ZNF831: variants seen among roughly 807,000 people sequenced by gnomAD.
ZNF831 encodes the protein chromosome 20 open reading frame 174.
In ZNF831, 59 loss-of-function variants were observed where a neutral mutation model predicts 95.8. The observed-to-expected ratio is 0.62, with a 90% CI of 0.50 to 0.77. ZNF831 has a LOEUF of 0.77. ZNF831 is among the 30% of genes least tolerant of loss of function. ZNF831 has a pLI of 0.00. For missense variants in ZNF831, 2,205 were observed against 2,164.0 expected (o/e 1.02, Z -0.38); for synonymous variants, 961 against 925.5 (o/e 1.04, Z -0.70).
At chr20:59,247,058 A>G (rs914888268) in intron 4 of ZNF831, among the ~76,000 whole-genome samples, 2 of 152,234 alleles carry the variant, frequency 1.3e-5, no homozygotes, top group African/African-American at 4.8e-5. Flanking sequence ...ATGTAATAGG[A>G]TTGCAGAAAC....
At chr20:59,242,716 C>T (rs962501843) in intron 4 of ZNF831, among the ~76,000 whole-genome samples, 4 of 152,012 alleles carry the variant, frequency 2.6e-5, no homozygotes, top group African/African-American at 9.7e-5. Flanking sequence ...AGAGAAGTAC[C>T]CTGGTATGGG....
intron 3 of ZNF831, among the ~76,000 whole-genome samples, chr20:59,199,587 G>A (rs1984384637): frequency 6.6e-6 from 1 of 152,116 alleles, no homozygotes; most frequent in African/African-American, 2.4e-5. Flanking sequence ...TTGCTGTAGA[G>A]TGTCTCATCC....
intron 4 of ZNF831, among the ~76,000 whole-genome samples, chr20:59,234,000 G>C (rs746640496): frequency 6.6e-6 from 1 of 152,208 alleles, no homozygotes; most frequent in Non-Finnish European, 1.5e-5. Context: ...TACTTCTGAT[G>C]ATGAGCAGCT....
rs1277962976 is a variant in ZNF831, at chr20:59,169,074, G to A, written c.-37+4867G>A. 6.6e-6 allele frequency among the ~76,000 whole-genome samples: 1 copy of A among 152,114 alleles called. No individual in the cohort carries two copies. Among genetic ancestry groups the A allele is most frequent in the Non-Finnish European group, 1.5e-5 (1 of 68,026 alleles). ...AATACCTAGGTGCTTAAAATTAACT[G>A]GGAAGTGTTATTTCCTTTTCTGTTT... is the stretch of plus-strand genomic sequence containing the variant. On this transcript the variant is annotated intron_variant, in intron 1 of 5. Coordinates refer to ENST00000371030, the MANE Select transcript of ZNF831 (RefSeq NM_178457.3). This position sits in a 1 kb window ranked among gnomAD's most constrained non-coding sequence, Gnocchi z 4.1.
chr20:59,239,549 C>CTTTTT (rs10653584), intron 4 of ZNF831, among the ~76,000 whole-genome samples: 1 of 127,444 alleles, frequency 7.8e-6, no homozygotes, highest in African/African-American at 3.0e-5. Context: ...TCTGTAAACA[C>CTTTTT]TTTTTTTTTT....
rs202067701 is a variant in ZNF831, at chr20:59,181,077, C to T, written c.-36-9907C>T. Among the ~76,000 whole-genome samples the T allele has an allele frequency of 6.6e-5, 10 of 152,176 alleles. No individual in the cohort carries two copies. The East Asian group carries it at 7.7e-4, about 12-fold the overall frequency. On this transcript the variant is annotated intron_variant, in intron 1 of 5. Coordinates refer to ENST00000371030, the MANE Select transcript of ZNF831 (RefSeq NM_178457.3). Reference sequence around the variant, plus strand: ...TTAATAATTGCCATTCTAACTGGCACGAGATGGTATCTCATTGTGGTTTTG... The same window carrying T: ...TTAATAATTGCCATTCTAACTGGCATGAGATGGTATCTCATTGTGGTTTTG...
At chr20:59,143,603 T>G (rs1381126158) in intron 1 of ZNF831, among the ~76,000 whole-genome samples, 3 of 152,196 alleles carry the variant, frequency 2.0e-5, no homozygotes, top group Admixed American at 2.0e-4. Flanking sequence ...GAAAAAACCA[T>G]GTCCTGGGCC....
Position 59,221,311 on chromosome 20 carries a change from G to A in ZNF831, c.4027+14255G>A, listed in dbSNP as rs544918376. 3.3e-5 allele frequency among the ~76,000 whole-genome samples: 5 copies of A among 152,316 alleles called. No individual in the cohort carries two copies. The East Asian group carries it at 9.7e-4, about 29-fold the overall frequency. ...TTTGTGCTACATGCATGCCTATGGT[G>A]CTCTTCCTGCCGGGGTGAGACTTGC... is the stretch of plus-strand genomic sequence containing the variant. On this transcript the variant is annotated intron_variant, in intron 4 of 5. Transcript: ENST00000371030.
chr20:59,254,679 A>C lies in ZNF831; in HGVS notation c.4970A>C (p.Gln1657Pro). ...AGGAGTCTGGAAGGAATGAGAAAGC[A>C]AACTCGAGTAGAGTTCAGTGACACC... is the stretch of plus-strand genomic sequence containing the variant. ...KKRSLEGMRK[Q>P]TRVEFSDTSS... is the part of the protein sequence containing the mutation. The change falls in exon 6 of 6, where the codon CAA becomes CCA. Residue 1657 changes from glutamine (Q) to proline (P), a missense_variant. By Grantham distance (76) the Gln-to-Pro change is moderately conservative. Transcript: ENST00000371030. This position sits in a 1 kb window ranked among gnomAD's most constrained non-coding sequence, Gnocchi z 4.5. 6.2e-7 allele frequency: 1 copy of C among 1,614,184 alleles called. No homozygotes were observed. The highest frequency in any genetic ancestry group is 8.5e-7 in the Non-Finnish European group (1 of 1,180,024).
rs78437616 is a variant in ZNF831 at position 59,220,921 on chromosome 20, A to G, written c.4027+13865A>G. ...CTTTGGGCAAAATTTGTTCCTTCTCATTGTCTCAGGTCCTCATCTGTAGAA... is the reference window on the plus strand; with the variant it reads ...CTTTGGGCAAAATTTGTTCCTTCTCGTTGTCTCAGGTCCTCATCTGTAGAA... On this transcript the variant is annotated intron_variant, in intron 4 of 5. Transcript: ENST00000371030. Among the ~76,000 whole-genome samples, 1,331 of 152,222 alleles carry G rather than the reference A, an allele frequency of 8.7e-3. 14 individuals carry two copies. Among genetic ancestry groups the G allele is most frequent in the Middle Eastern group, 0.048 (14 of 294 alleles).
At chr20:59,184,332 A>G (rs1224226960) in intron 1 of ZNF831, among the ~76,000 whole-genome samples, 3 of 152,294 alleles carry the variant, frequency 2.0e-5, no homozygotes, top group Non-Finnish European at 4.4e-5. Flanking sequence ...TGATGTTTAC[A>G]TCAGTGTGCA....
chr20:59,227,241 T>C (rs6026768), intron 4 of ZNF831, among the ~76,000 whole-genome samples: 1 of 152,212 alleles, frequency 6.6e-6, no homozygotes, highest in African/African-American at 2.4e-5. Flanking sequence ...ATTATGTAAT[T>C]CAAAATGAAG....
At chr20:59,221,273 C>T (rs577547525) in intron 4 of ZNF831, among the ~76,000 whole-genome samples, 2 of 152,334 alleles carry the variant, frequency 1.3e-5, no homozygotes, top group South Asian at 2.1e-4. Context: ...GGAGTACATT[C>T]TGGGCCCTTG....
At position 59,192,381 on chromosome 20, in the gene ZNF831, T is replaced by G; in HGVS notation, c.1362T>G (p.Phe454Leu). The change falls in exon 2 of 6, where the codon TTT (phenylalanine) becomes TTG (leucine). Residue 454 changes from phenylalanine to leucine, a missense_variant. By Grantham distance (22) the Phe-to-Leu change is conservative. Coordinates refer to ENST00000371030, the MANE Select transcript of ZNF831 (RefSeq NM_178457.3). The surrounding 1 kb of genome is among the most constrained non-coding windows in gnomAD (Gnocchi z 5.2). ...TPYTYKDSFH[F>L]DIRALEPGRR... ...ACACCTACAAGGACTCCTTCCACTT[T>G]GACATCCGCGCGCTGGAGCCAGGCC... 1.2e-6 allele frequency: 2 copies of G among 1,612,148 alleles called. No individual in the cohort carries two copies. The highest frequency in any genetic ancestry group is 1.7e-6 in the Non-Finnish European group (2 of 1,179,552).
chr20:59,194,531 A>C lies in ZNF831; in HGVS notation c.3512A>C (p.Gln1171Pro), dbSNP rs771487199. The change falls in exon 2 of 6, where the codon CAA (glutamine) becomes CCA (proline). Residue 1171 changes from glutamine to proline, a missense_variant. Gln to Pro is a moderately conservative substitution (Grantham distance 76, BLOSUM62 -1). Coordinates refer to ENST00000371030, the MANE Select transcript of ZNF831 (RefSeq NM_178457.3). ...SHSTRSPHST[Q>P]NPFPSLKAEP... ...AGCACCCGCAGTCCCCACAGCACCC[A>C]AAACCCCTTTCCCTCACTGAAGGCT... The C allele has an allele frequency of 8.1e-6, 13 of 1,606,488 alleles. No homozygotes were observed. Among genetic ancestry groups the C allele is most frequent in the African/African-American group, 8.0e-5 (6 of 74,754 alleles).
chr20:59,218,384 A>G (rs1301636353), intron 4 of ZNF831, among the ~76,000 whole-genome samples: 1 of 152,192 alleles, frequency 6.6e-6, no homozygotes, highest in Non-Finnish European at 1.5e-5. Context: ...TGCCTGTATT[A>G]GGAGGGACTC....
intron 2 of ZNF831, among the ~76,000 whole-genome samples, chr20:59,156,013 C>T (rs1443163140): frequency 2.0e-5 from 3 of 152,148 alleles, no homozygotes; most frequent in Admixed American, 6.5e-5. Flanking sequence ...TGTGCTCCCC[C>T]TCATGCTCAA....
At chr20:59,252,886 G>A (rs540056568) in intron 4 of ZNF831, 92 bp from the exon 5 acceptor site, 5 of 1,377,800 alleles carry the variant, frequency 3.6e-6, no homozygotes, top group African/African-American at 1.4e-5. Flanking sequence ...GAGCTCAGAG[G>A]CGATCAAGAA....
Position 59,225,090 on chromosome 20 carries a change from G to C in ZNF831, c.4027+18034G>C, listed in dbSNP as rs1466679750. ...CATTGTGTTTAATTTCAATTAATCT[G>C]GATTCATTTAAGTAATATTCCATTA... On this transcript the variant is annotated intron_variant, in intron 4 of 5. Transcript: ENST00000371030. 4.6e-5 allele frequency among the ~76,000 whole-genome samples: 7 copies of C among 151,778 alleles called. No individual in the cohort carries two copies. The South Asian group carries it at 1.5e-3, about 32-fold the overall frequency.
Sources: allele counts gnomAD v4.1 joint callset (sites outside exome capture counted in the v4.1 genomes callset), GRCh38; gene constraint gnomAD v4.1.1; non-coding constraint Gnocchi (gnomAD v3.1); transcripts MANE v1.5; gene names NCBI Gene and HGNC (gene_info 2026-07-23, HGNC 2026-07-21).